Variants in FMNL2 observed in about 807,000 individuals in gnomAD.
The protein encoded by FMNL2 is formin-like protein 2.
Under a neutral mutation model 130.2 loss-of-function variants are expected in FMNL2, and 51 were observed. The ratio of observed to expected loss-of-function variants is 0.39; its 90% CI spans 0.31 to 0.49. FMNL2 has a LOEUF of 0.49. Among genes scored for constraint, FMNL2 ranks in the 20% least tolerant of loss-of-function variants. The probability of loss-of-function intolerance (pLI) is 0.85; values close to 1 mark genes in which losing one functional copy is unlikely to be tolerated. For synonymous variants in FMNL2, 465 were observed against 467.1 expected (o/e 1.00, Z 0.06); for missense variants, 977 against 1,316.2 (o/e 0.74, Z 3.99).
Position 152,648,763 on chromosome 2 carries a change from T to C in FMNL2, c.*858T>C, listed in dbSNP as rs1367692270. 6.6e-6 allele frequency: 1 copy of C among 152,622 alleles called. No homozygotes were observed. 9.5% of individuals were successfully genotyped at this position (152,622 alleles called of 1,614,324 possible). ...GTTACATCTGCTAGCAGAGTAGTGT[T>C]AGGAACCTGGCCTTACTCTCCTCTG... is the stretch of plus-strand genomic sequence containing the variant. On this transcript the variant is annotated 3_prime_UTR_variant, in exon 26 of 26. Coordinates refer to ENST00000288670, the MANE Select transcript of FMNL2 (RefSeq NM_052905.4).
intron 9 of FMNL2, among the ~76,000 whole-genome samples, chr2:152,599,337 T>G (rs193276539): frequency 6.7e-6 from 1 of 149,670 alleles, no homozygotes; most frequent in African/African-American, 2.4e-5. Flanking sequence ...GAAGCATATT[T>G]CGGAAAGAGA....
intron 1 of FMNL2, among the ~76,000 whole-genome samples, chr2:152,421,006 C>T (rs931347774): frequency 5.9e-5 from 9 of 152,144 alleles, no homozygotes; most frequent in Non-Finnish European, 8.8e-5. Flanking sequence ...TACCGTCCAA[C>T]GCATCTTGTA....
rs78738108 is a variant in FMNL2, at chr2:152,572,632, T to A, written c.597-2504T>A. On this transcript the variant is annotated intron_variant, in intron 6 of 25. Coordinates refer to ENST00000288670, the MANE Select transcript of FMNL2 (RefSeq NM_052905.4). The stretch of plus-strand genomic sequence containing the variant: ...AAGACCCTGTCTCTACAAAAAAAAA[T>A]TTTTTTTAATTAACTGGGCATTGTC... 8.5e-3 allele frequency among the ~76,000 whole-genome samples: 1,290 copies of A among 151,670 alleles called. 11 individuals are homozygous for A. The highest frequency in any genetic ancestry group is 0.027 in the African/African-American group (1,097 of 41,356).
At chr2:152,622,122 T>C (rs1266089420) in intron 15 of FMNL2, among the ~76,000 whole-genome samples, 1 of 152,170 alleles carries the variant, frequency 6.6e-6, no homozygotes, top group Admixed American at 6.5e-5. Context: ...CTGGCTCCCT[T>C]TCCCCCGGTA....
intron 1 of FMNL2, among the ~76,000 whole-genome samples, chr2:152,377,858 G>A: frequency 6.6e-6 from 1 of 152,250 alleles, no homozygotes; most frequent in South Asian, 2.1e-4. Context: ...TGGGCTGGGT[G>A]TGGTGGCTTA....
chr2:152,636,588 C>G lies in FMNL2; in HGVS notation c.2842C>G (p.Gln948Glu), dbSNP rs142575649. The G allele has an allele frequency of 3.5e-4, 542 of 1,557,292 alleles. 1 individual carries two copies. In the African/African-American group the frequency reaches 6.9e-3, roughly 20 times the overall value. ...KKLQDDAKIA[Q>E]DAFDDVVKYF... ...GCTGCAGGATGATGCCAAGATCGCA[C>G]AGGCAAGTATTGGTGCCCCTGAAAC... The change falls in exon 22 of 26, where the codon CAG (glutamine) becomes GAG (glutamate). Residue 948 changes from glutamine (Q) to glutamate (E), a missense_variant and splice_region_variant. Coordinates refer to ENST00000288670, the MANE Select transcript of FMNL2 (RefSeq NM_052905.4).
intron 1 of FMNL2, among the ~76,000 whole-genome samples, chr2:152,428,340 AATT>A (rs1687298794): frequency 6.6e-6 from 1 of 152,202 alleles, no homozygotes; most frequent in Non-Finnish European, 1.5e-5. Flanking sequence ...CACAATTTAC[AATT>A]ATTTTATGTA....
At chr2:152,342,864 T>C (rs1399168395) in intron 1 of FMNL2, among the ~76,000 whole-genome samples, 1 of 152,210 alleles carries the variant, frequency 6.6e-6, no homozygotes, top group Non-Finnish European at 1.5e-5. Flanking sequence ...TTCAGCCCTA[T>C]TTACCAGGTA....
At chr2:152,629,439 T>C (rs1682019166) in intron 18 of FMNL2, among the ~76,000 whole-genome samples, 1 of 152,212 alleles carries the variant, frequency 6.6e-6, no homozygotes, top group African/African-American at 2.4e-5. Context: ...CTTGCTATTG[T>C]GAACAGTTTC....
chr2:152,337,182 C>T (rs916251093), intron 1 of FMNL2, among the ~76,000 whole-genome samples: 14 of 152,268 alleles, frequency 9.2e-5, no homozygotes, highest in Admixed American at 5.2e-4. Flanking sequence ...ACAGCTGCTC[C>T]CACCGTTGTG....
At chr2:152,349,319 C>A (rs1682335450) in intron 1 of FMNL2, among the ~76,000 whole-genome samples, 1 of 152,176 alleles carries the variant, frequency 6.6e-6, no homozygotes, top group South Asian at 2.1e-4. Flanking sequence ...GCTTTATATG[C>A]ATTATCGTTG....
chr2:152,372,092 T>C (rs1177477179), intron 1 of FMNL2, among the ~76,000 whole-genome samples: 1 of 152,180 alleles, frequency 6.6e-6, no homozygotes, highest in African/African-American at 2.4e-5. Context: ...GTGTAGTATA[T>C]GGAAGATAAG....
intron 1 of FMNL2, among the ~76,000 whole-genome samples, chr2:152,355,664 CCTT>C (rs1682741007): frequency 6.6e-6 from 1 of 152,176 alleles, no homozygotes; most frequent in Admixed American, 6.5e-5. Context: ...TTTGTACAGG[CCTT>C]CTTTCCTTCT....
rs575886047 is a variant in FMNL2 at position 152,601,504 on chromosome 2, T to A, written c.877-5835T>A. Reference sequence around the variant, plus strand: ...TTAGTAGAGACTGGTTTTCACTACCTTGGCCAGGCTAGTCTCGAACTCCTG... The same window carrying A: ...TTAGTAGAGACTGGTTTTCACTACCATGGCCAGGCTAGTCTCGAACTCCTG... On this transcript the variant is annotated intron_variant, in intron 9 of 25. Transcript: ENST00000288670. Among the ~76,000 whole-genome samples, 18 of 151,846 alleles carry A rather than the reference T, an allele frequency of 1.2e-4. No individual in the cohort carries two copies. In the East Asian group the frequency reaches 3.3e-3, roughly 28 times the overall value.
intron 4 of FMNL2, among the ~76,000 whole-genome samples, chr2:152,554,829 T>G (rs760952099): frequency 6.6e-6 from 1 of 152,180 alleles, no homozygotes; most frequent in Non-Finnish European, 1.5e-5. Flanking sequence ...TGACATTCCA[T>G]GAAAAAATGG....
chr2:152,412,095 C>A (rs1246616815), intron 1 of FMNL2, among the ~76,000 whole-genome samples: 1 of 152,134 alleles, frequency 6.6e-6, no homozygotes, highest in Non-Finnish European at 1.5e-5. Flanking sequence ...ATGCTGCTAA[C>A]TGTAAGCTTT....
intron 1 of FMNL2, among the ~76,000 whole-genome samples, chr2:152,516,832 T>G (rs974768063): frequency 6.6e-6 from 1 of 152,208 alleles, no homozygotes; most frequent in Non-Finnish European, 1.5e-5. Flanking sequence ...TAACTTGAGA[T>G]GTATAGGCTA....
At chr2:152,483,773 A>T (rs1450060236) in intron 1 of FMNL2, among the ~76,000 whole-genome samples, 1 of 152,222 alleles carries the variant, frequency 6.6e-6, no homozygotes, top group African/African-American at 2.4e-5. Flanking sequence ...TTTCTAGACT[A>T]CTGTATGAAT....
At chr2:152,443,272 T>G (rs1413991045) in intron 1 of FMNL2, among the ~76,000 whole-genome samples, 2 of 152,226 alleles carry the variant, frequency 1.3e-5, no homozygotes, top group Non-Finnish European at 2.9e-5. Context: ...ATGGTGTGTG[T>G]GGAGACCTGC....
Sources: gnomAD v4.1 joint callset for allele counts (sites outside exome capture counted in the v4.1 genomes callset) on GRCh38, gnomAD v4.1.1 for gene constraint, MANE v1.5 for transcripts, NCBI Gene and HGNC (gene_info 2026-07-23, HGNC 2026-07-21) for gene names.